PHF24: variants seen among roughly 807,000 people sequenced by gnomAD.
The protein encoded by PHF24 is PHD finger protein 24, also known as Galpha inhibitory interacting protein.
Under a neutral mutation model 42.6 loss-of-function variants are expected in PHF24, and 25 were observed. The ratio of observed to expected loss-of-function variants is 0.59; its 90% CI spans 0.43 to 0.82. The LOEUF (loss-of-function observed/expected upper bound fraction) is 0.82, where lower values mean the gene tolerates loss of function less well. Among genes scored for constraint, PHF24 ranks in the 40% least tolerant of loss-of-function variants. The pLI is 0.00. For missense variants in PHF24, 470 were observed against 538.1 expected, an observed-to-expected ratio of 0.87 and a Z score of 1.25; for synonymous variants, 185 against 204.8, an observed-to-expected ratio of 0.90 and a Z score of 0.83.
the PHF24 span, chr9:34,838,385 C>T: frequency 4.7e-6 from 5 of 1,063,082 alleles, no homozygotes; most frequent in East Asian, 1.0e-4. Context: ...AAGTTCAATT[C>T]ATGGTGGCTC....
At chr9:34,944,596 T>C in the PHF24 span, among the ~76,000 whole-genome samples, 2 of 152,356 alleles carry the variant, frequency 1.3e-5, no homozygotes, top group South Asian at 2.1e-4. Flanking sequence ...AGAGGGTCTT[T>C]ACAGCCAACA....
chr9:34,675,208 C>T, the PHF24 span, among the ~76,000 whole-genome samples: 85,962 of 151,886 alleles, frequency 0.57, 24,781 homozygotes, highest in East Asian at 0.8. Context: ...GTTCTCAATC[C>T]GCAAGGGCCT....
chr9:34,741,154 G>A, the PHF24 span, among the ~76,000 whole-genome samples: 3 of 151,744 alleles, frequency 2.0e-5, no homozygotes, highest in African/African-American at 7.3e-5. Flanking sequence ...CCAAAGTGTT[G>A]GGATTACAGG....
chr9:34,728,597 T>G, the PHF24 span: 1 of 1,549,948 alleles, frequency 6.5e-7, no homozygotes, highest in African/African-American at 1.4e-5. Context: ...AGAGGAGAGA[T>G]TGGGACTTTA....
the PHF24 span, among the ~76,000 whole-genome samples, chr9:34,731,028 T>G: frequency 3.9e-4 from 59 of 152,334 alleles, no homozygotes; most frequent in African/African-American, 1.4e-3. Flanking sequence ...GTAAGCATAC[T>G]TACACATGGC....
the PHF24 span, among the ~76,000 whole-genome samples, chr9:34,909,446 C>T: frequency 6.6e-6 from 1 of 151,872 alleles, no homozygotes; most frequent in Non-Finnish European, 1.5e-5. Flanking sequence ...TGAGCCTCAT[C>T]TAGGCCAAAT....
chr9:34,696,947 G>T, the PHF24 span, among the ~76,000 whole-genome samples: 1 of 152,192 alleles, frequency 6.6e-6, no homozygotes, highest in Non-Finnish European at 1.5e-5. Flanking sequence ...GAAAGTACAG[G>T]ATATGCTCCA....
the PHF24 span, among the ~76,000 whole-genome samples, chr9:34,817,624 G>A: frequency 2.6e-5 from 4 of 152,126 alleles, no homozygotes; most frequent in African/African-American, 4.8e-5. Flanking sequence ...TATCAGACAC[G>A]TGATTTGCAA....
the PHF24 span, among the ~76,000 whole-genome samples, chr9:34,841,101 G>A: frequency 6.6e-6 from 1 of 152,122 alleles, no homozygotes; most frequent in African/African-American, 2.4e-5. Context: ...CCGGGTTCAT[G>A]CCATTCTCCT....
the PHF24 span, among the ~76,000 whole-genome samples, chr9:34,886,840 A>G: frequency 6.6e-6 from 1 of 151,294 alleles, no homozygotes; most frequent in East Asian, 1.9e-4. Context: ...CTATGTATCT[A>G]TCTATCTATC....
At chr9:34,864,744 A>C in the PHF24 span, among the ~76,000 whole-genome samples, 1 of 152,238 alleles carries the variant, frequency 6.6e-6, no homozygotes, top group Non-Finnish European at 1.5e-5. Context: ...ACTGAAAAAT[A>C]TTACAACTCT....
chr9:34,904,109 C>A, the PHF24 span, among the ~76,000 whole-genome samples: 1 of 151,946 alleles, frequency 6.6e-6, no homozygotes, highest in Non-Finnish European at 1.5e-5. Context: ...TTAGGGTAGA[C>A]GATTATATTG....
the PHF24 span, among the ~76,000 whole-genome samples, chr9:34,757,292 A>G: frequency 2.0e-5 from 3 of 148,358 alleles, no homozygotes; most frequent in Non-Finnish European, 4.5e-5. Flanking sequence ...TAGCTTTTGT[A>G]AATGTGATTG....
chr9:34,704,487 GTGTGTGTGTGTA>G, the PHF24 span, among the ~76,000 whole-genome samples: 23 of 148,168 alleles, frequency 1.6e-4, no homozygotes, highest in African/African-American at 5.7e-4. Context: ...TAGTGTGTGT[GTGTGTGTGTGTA>G]TGTTATCATT....
chr9:34,869,024 G>A, the PHF24 span, among the ~76,000 whole-genome samples: 4 of 152,206 alleles, frequency 2.6e-5, no homozygotes, highest in South Asian at 6.2e-4. Flanking sequence ...CTGTTCCTGC[G>A]TTCGTTTGCT....
chr9:34,769,680 TTAA>T, the PHF24 span, among the ~76,000 whole-genome samples: 1 of 152,158 alleles, frequency 6.6e-6, no homozygotes, highest in Non-Finnish European at 1.5e-5. Context: ...CTATATAGTC[TTAA>T]TAATTAAAAC....
the PHF24 span, among the ~76,000 whole-genome samples, chr9:34,799,196 A>C: frequency 6.6e-6 from 1 of 152,236 alleles, no homozygotes; most frequent in Non-Finnish European, 1.5e-5. Context: ...CTGAAAAAGC[A>C]AACAGAGAAG....
chr9:34,736,465 C>A, the PHF24 span, among the ~76,000 whole-genome samples: 1 of 151,910 alleles, frequency 6.6e-6, no homozygotes, highest in African/African-American at 2.4e-5. Flanking sequence ...CACCATCTCA[C>A]CCAGTTAATT....
At chr9:34,739,082 C>T in the PHF24 span, among the ~76,000 whole-genome samples, 1 of 152,164 alleles carries the variant, frequency 6.6e-6, no homozygotes, top group Admixed American at 6.5e-5. Context: ...TAGTTTCATT[C>T]AAGTTGCAGT....
Sources: gnomAD v4.1 joint callset for allele counts (sites outside exome capture counted in the v4.1 genomes callset) on GRCh38, gnomAD v4.1.1 for gene constraint, MANE v1.5 for transcripts, NCBI Gene and HGNC (gene_info 2026-07-23, HGNC 2026-07-21) for gene names.